Variants in AOX1 observed in about 807,000 individuals in gnomAD.
AOX1 encodes the protein aldehyde oxidase 1.
A neutral mutation model predicts 169.5 loss-of-function variants in AOX1; 153 were observed. The ratio of observed to expected loss-of-function variants is 0.90; its 90% confidence interval spans 0.79 to 1.03. AOX1 has a LOEUF of 1.03. Among genes scored for constraint, AOX1 ranks in the 50% least tolerant of loss-of-function variants. The pLI is 0.00. For synonymous variants in AOX1, 562 were observed against 581.9 expected, an observed-to-expected ratio of 0.97 and a Z score of 0.49; for missense variants, 1,656 against 1,663.9, an observed-to-expected ratio of 1.00 and a Z score of 0.08.
intron 19 of AOX1, 125 bp downstream of exon 19, chr2:200,624,108 A>G: frequency 1.8e-6 from 2 of 1,122,540 alleles, no homozygotes; most frequent in South Asian, 2.9e-5. Flanking sequence ...GGACTTTATT[A>G]ACCTCTAACC....
At position 200,651,324 on chromosome 2, in the gene AOX1, T is replaced by C; in HGVS notation, c.3075+123T>C. 3.7e-6 allele frequency: 3 copies of C among 821,478 alleles called. No individual in the cohort carries two copies. The South Asian group carries it at 5.1e-5, about 14-fold the overall frequency. The allele number at this position is 821,478 out of a possible 1,614,324, so 50.9% of individuals were successfully genotyped here. Reference sequence around the variant, plus strand: ...TGGTTGCAATGCCCAATTGTTAAATTTCACAAAAGCCACCAAAGTCAAAGT... The same window carrying C: ...TGGTTGCAATGCCCAATTGTTAAATCTCACAAAAGCCACCAAAGTCAAAGT... On this transcript the variant is annotated intron_variant, in intron 26 of 34. Transcript: ENST00000374700.
At chr2:200,614,784 A>G (rs1367879992) in intron 15 of AOX1, among the ~76,000 whole-genome samples, 1 of 152,170 alleles carries the variant, frequency 6.6e-6, no homozygotes, top group African/African-American at 2.4e-5. Flanking sequence ...TTCTCAGTGT[A>G]GGTGGGAGCA....
At chr2:200,645,024 G>T (rs2035422420) in intron 25 of AOX1, among the ~76,000 whole-genome samples, 1 of 152,098 alleles carries the variant, frequency 6.6e-6, no homozygotes, top group Non-Finnish European at 1.5e-5. Context: ...TACCGATTTG[G>T]ATGCCCTTTA....
rs1258874168 is a variant in AOX1 at position 200,616,783 on chromosome 2, A to G, written c.1704+720A>G. On this transcript the variant is annotated intron_variant, in intron 16 of 34. Transcript: ENST00000374700. ...TATTATCAGGAAACTTGACCTCGAGAGTTTTAGTAAGTCAAGAACATGAAA... is the reference window on the plus strand; with the variant it reads ...TATTATCAGGAAACTTGACCTCGAGGGTTTTAGTAAGTCAAGAACATGAAA... Among the ~76,000 whole-genome samples, 10 of 152,248 alleles carry G rather than the reference A, an allele frequency of 6.6e-5. 1 individual carries two copies. In the South Asian group the frequency reaches 1.5e-3, roughly 22 times the overall value.
intron 26 of AOX1, among the ~76,000 whole-genome samples, chr2:200,651,653 TG>T (rs1281524823): frequency 1.3e-5 from 2 of 152,346 alleles, no homozygotes; most frequent in African/African-American, 4.8e-5. Context: ...CTGGGTGGGT[TG>T]GAATAAATTA....
chr2:200,662,893 G>T lies in AOX1; in HGVS notation c.3467G>T (p.Gly1156Val), dbSNP rs1174150796. 6.2e-7 allele frequency: 1 copy of T among 1,613,940 alleles called. No homozygotes were observed. Among genetic ancestry groups the T allele is most frequent in the African/African-American group, 1.3e-5 (1 of 74,916 alleles). ...ESDMNWEKGE[G>V]QPFEYFVYGA... ...GACATGAACTGGGAGAAAGGCGAAG[G>T]CCAGCCCTTCGAATACTTTGTTTAT... Residue 1156 changes from glycine (G) to valine (V), a missense_variant, in exon 31 of 35, where the codon GGC (glycine) becomes GTC (valine). Coordinates refer to ENST00000374700, the MANE Select transcript of AOX1 (RefSeq NM_001159.4).
intron 10 of AOX1, among the ~76,000 whole-genome samples, chr2:200,606,929 C>A (rs2034529478): frequency 1.3e-5 from 2 of 152,162 alleles, no homozygotes; most frequent in South Asian, 4.1e-4. Flanking sequence ...CATCTGCAAA[C>A]AGAGGCAATT....
intron 5 of AOX1, among the ~76,000 whole-genome samples, chr2:200,600,476 G>A (rs377350517): frequency 4.6e-5 from 1 of 21,512 alleles, no homozygotes; most frequent in African/African-American, 1.3e-4. Context: ...TGTATGTGGC[G>A]GGGGGGGACA....
chr2:200,597,426 C>T lies in AOX1; in HGVS notation c.230C>T (p.Pro77Leu). 6.2e-7 allele frequency: 1 copy of T among 1,609,626 alleles called. No individual in the cohort carries two copies. The highest frequency in any genetic ancestry group is 2.2e-5 in the East Asian group (1 of 44,774). Residue 77 changes from proline (P) to leucine (L), a missense_variant, in exon 4 of 35, where the codon CCC (proline) becomes CTC (leucine). Transcript: ENST00000374700. ...CACCCAGCCAATGCCTGTCTGATTCCCATCTGTTCTCTGTATGGTGCTGCC... is the reference window on the plus strand; with the variant it reads ...CACCCAGCCAATGCCTGTCTGATTCTCATCTGTTCTCTGTATGGTGCTGCC... ...RHHPANACLI[P>L]ICSLYGAAVT... is the part of the protein sequence containing the mutation.
chr2:200,622,047 C>T (rs532418501), intron 18 of AOX1, among the ~76,000 whole-genome samples: 10 of 152,316 alleles, frequency 6.6e-5, no homozygotes, highest in South Asian at 4.1e-4. Context: ...CCACCACGCC[C>T]GGCTTAAATG....
rs763279070 is a variant in AOX1 at position 200,604,055 on chromosome 2, A to G, written c.627A>G (p.Pro209=). The G allele has an allele frequency of 1.2e-6, 2 of 1,613,516 alleles. No individual in the cohort carries two copies. The highest frequency in any genetic ancestry group is 1.7e-6 in the Non-Finnish European group (2 of 1,179,426). Residue 209 remains proline, a synonymous_variant, in exon 8 of 35, where the codon CCA becomes CCG. Transcript: ENST00000374700. ...TCTTCGCAGAAGAGGAGTTTCTGCC[A>G]TTGGATCCAACCCAGGAACTGATAT... ...PKLFAEEEFL[P]LDPTQELIFP... is the part of the protein sequence containing the mutation.
rs574048156 is a variant in AOX1, at chr2:200,659,531, T to C, written c.3300+238T>C. ...CCTTTCAAGTCTACTCAAAAATGTCTCTGTCTTTCTGCTTCCATATTATGT... is the reference window on the plus strand; with the variant it reads ...CCTTTCAAGTCTACTCAAAAATGTCCCTGTCTTTCTGCTTCCATATTATGT... On this transcript the variant is annotated intron_variant, in intron 28 of 34. Coordinates refer to ENST00000374700, the MANE Select transcript of AOX1 (RefSeq NM_001159.4). 2.6e-5 allele frequency among the ~76,000 whole-genome samples: 4 copies of C among 152,352 alleles called. No homozygotes were observed. The South Asian group carries it at 6.2e-4, about 24-fold the overall frequency.
intron 16 of AOX1, among the ~76,000 whole-genome samples, chr2:200,620,415 G>A (rs951834471): frequency 3.3e-5 from 5 of 151,680 alleles, no homozygotes; most frequent in Non-Finnish European, 5.9e-5. Flanking sequence ...TACTATGTTG[G>A]CCAGGCTGGT....
At chr2:200,665,181 C>G (rs539368313) in intron 31 of AOX1, among the ~76,000 whole-genome samples, 1 of 152,182 alleles carries the variant, frequency 6.6e-6, no homozygotes, top group Non-Finnish European at 1.5e-5. Context: ...CATGTGCAAG[C>G]GAGAGAGTAC....
intron 20 of AOX1, among the ~76,000 whole-genome samples, chr2:200,633,214 T>C (rs2035163366): frequency 6.6e-6 from 1 of 152,206 alleles, no homozygotes; most frequent in Non-Finnish European, 1.5e-5. Context: ...GTGTATTTCT[T>C]TGAATTTATT....
At chr2:200,635,948 G>T (rs2035220612) in intron 21 of AOX1, among the ~76,000 whole-genome samples, 1 of 151,920 alleles carries the variant, frequency 6.6e-6, no homozygotes, top group Non-Finnish European at 1.5e-5. Flanking sequence ...CACTCTCCGT[G>T]GGATGTTGGG....
chr2:200,657,190 A>ATATATATATATATATATATAT, intron 27 of AOX1, among the ~76,000 whole-genome samples: 12 of 62,914 alleles, frequency 1.9e-4, no homozygotes, highest in East Asian at 9.1e-4. Context: ...ATATATATAT[A>ATATATATATATATATATATAT]TTTTTTTTTT....
intron 4 of AOX1, among the ~76,000 whole-genome samples, chr2:200,597,885 G>A (rs907646929): frequency 2.0e-5 from 3 of 152,162 alleles, no homozygotes; most frequent in African/African-American, 4.8e-5. Context: ...AAGGCAGGTG[G>A]ATTGCTTGAG....
chr2:200,606,618 G>A (rs920146415), intron 10 of AOX1, among the ~76,000 whole-genome samples: 2 of 152,182 alleles, frequency 1.3e-5, no homozygotes, highest in Non-Finnish European at 2.9e-5. Flanking sequence ...CCATGAGCAT[G>A]GAATGTTTCT....
Sources: allele counts gnomAD v4.1 joint callset (sites outside exome capture counted in the v4.1 genomes callset), GRCh38; gene constraint gnomAD v4.1.1; transcripts MANE v1.5; gene names NCBI Gene and HGNC (gene_info 2026-07-23, HGNC 2026-07-21).